SCML4: variants seen among roughly 807,000 people sequenced by gnomAD.
SCML4 encodes the protein Scm polycomb group protein like 4.
A neutral mutation model predicts 41.1 loss-of-function variants in SCML4; 34 were observed. That is an observed-to-expected ratio of 0.83 (90% CI 0.63 to 1.10). The LOEUF (loss-of-function observed/expected upper bound fraction) is 1.10, where lower values mean the gene tolerates loss of function less well. Ranked by LOEUF, SCML4 falls within the 50% of genes least tolerant of loss-of-function variation. The probability of loss-of-function intolerance (pLI) is 0.00; values close to 1 mark genes in which losing one functional copy is unlikely to be tolerated. For synonymous variants in SCML4, 214 were observed against 220.9 expected, an observed-to-expected ratio of 0.97 and a Z score of 0.28; for missense variants, 522 against 534.1, an observed-to-expected ratio of 0.98 and a Z score of 0.22.
intron 5 of SCML4, among the ~76,000 whole-genome samples, chr6:107,738,756 G>A (rs1777316115): frequency 6.6e-6 from 1 of 152,088 alleles, no homozygotes; most frequent in African/African-American, 2.4e-5. Context: ...CTTCACCTCT[G>A]GGAGGCCCTT....
chr6:107,792,769 C>A (rs1359256097), intron 1 of SCML4, among the ~76,000 whole-genome samples: 1 of 151,746 alleles, frequency 6.6e-6, no homozygotes, highest in Non-Finnish European at 1.5e-5. Context: ...ATATCACCCC[C>A]AAATGTACCA....
intron 1 of SCML4, among the ~76,000 whole-genome samples, chr6:107,807,780 C>G (rs1309341437): frequency 6.6e-6 from 1 of 152,192 alleles, no homozygotes; most frequent in Non-Finnish European, 1.5e-5. Context: ...ACAGCAACTC[C>G]CAGCCGAAGA....
At chr6:107,721,739 G>A (rs1775440369) in intron 5 of SCML4, among the ~76,000 whole-genome samples, 1 of 152,104 alleles carries the variant, frequency 6.6e-6, no homozygotes, top group Non-Finnish European at 1.5e-5. Flanking sequence ...CTGGGTGGTG[G>A]CCCAGGTGCC....
intron 6 of SCML4, among the ~76,000 whole-genome samples, chr6:107,708,830 T>A (rs577642091): frequency 2.6e-5 from 4 of 152,306 alleles, no homozygotes; most frequent in African/African-American, 9.6e-5. Flanking sequence ...AAGACAGCAA[T>A]GAGTTCAATG....
intron 5 of SCML4, among the ~76,000 whole-genome samples, chr6:107,737,561 C>T (rs1172804831): frequency 6.6e-6 from 1 of 152,154 alleles, no homozygotes; most frequent in African/African-American, 2.4e-5. Context: ...AGACAGACTT[C>T]CTGTACTGAA....
In SCML4 at chr6:107,702,810, C is replaced by T. The variant is rs532887066; in HGVS notation, c.*2390G>A. 6.6e-6 allele frequency among the ~76,000 whole-genome samples: 1 copy of T among 152,340 alleles called. No individual in the cohort carries two copies. The highest frequency in any genetic ancestry group is 2.1e-4 in the South Asian group (1 of 4,826). On this transcript the variant is annotated 3_prime_UTR_variant, in exon 8 of 8. Coordinates refer to ENST00000369020, the MANE Select transcript of SCML4 (RefSeq NM_198081.5). ...CAGAGGCATTTGAACCAGAGCAACT[C>T]CATCTTGAATGGGAGCTGGGTAAAA...
upstream of SCML4, among the ~76,000 whole-genome samples, chr6:107,827,011 C>T (rs549165337): frequency 2.2e-4 from 33 of 151,782 alleles, no homozygotes; most frequent in South Asian, 1.9e-3. Context: ...TGCAGTGAGC[C>T]GAGATCACGC....
chr6:107,789,586 C>T (rs1248187982), intron 1 of SCML4, among the ~76,000 whole-genome samples: 1 of 152,218 alleles, frequency 6.6e-6, no homozygotes, highest in Non-Finnish European at 1.5e-5. Flanking sequence ...GAAACAGCCA[C>T]CACACACACT....
upstream of SCML4, among the ~76,000 whole-genome samples, chr6:107,826,971 G>C (rs1159702452): frequency 6.6e-6 from 1 of 151,998 alleles, no homozygotes; most frequent in Non-Finnish European, 1.5e-5. Context: ...GCTGAGGCAG[G>C]AGAATGGTGT....
At chr6:107,708,539 G>GT (rs1773910066) in intron 6 of SCML4, among the ~76,000 whole-genome samples, 1 of 152,228 alleles carries the variant, frequency 6.6e-6, no homozygotes, top group South Asian at 2.1e-4. Flanking sequence ...CTTCTCCACG[G>GT]TATCTGCAGA....
intron 1 of SCML4, among the ~76,000 whole-genome samples, chr6:107,805,319 T>G (rs1237751032): frequency 6.6e-6 from 1 of 152,228 alleles, no homozygotes; most frequent in Non-Finnish European, 1.5e-5. Context: ...CACACCCTAC[T>G]TATCTTTTAT....
chr6:107,761,600 C>T (rs907541996), intron 2 of SCML4, among the ~76,000 whole-genome samples: 26 of 152,000 alleles, frequency 1.7e-4, no homozygotes, highest in African/African-American at 6.3e-4. Flanking sequence ...CCATGCCAAG[C>T]GAATTTTCAT....
At chr6:107,746,936 G>A (rs775381124) in intron 3 of SCML4, 47 bp from the exon 4 acceptor site, 40 of 1,523,466 alleles carry the variant, frequency 2.6e-5, no homozygotes, top group Admixed American at 1.2e-4. Context: ...GCGCGCATCA[G>A]GCCAGCTGGC....
At chr6:107,795,854 T>A (rs1782671962) in intron 1 of SCML4, among the ~76,000 whole-genome samples, 1 of 152,194 alleles carries the variant, frequency 6.6e-6, no homozygotes, top group Admixed American at 6.5e-5. Flanking sequence ...CTCTTCTCTG[T>A]CAGTCCTACT....
At position 107,720,650 on chromosome 6, in the gene SCML4, G is replaced by C. The variant is rs188486365; in HGVS notation, c.973+53C>G. 1.3e-4 allele frequency: 195 copies of C among 1,464,558 alleles called. No individual in the cohort carries two copies. In the East Asian group the frequency reaches 4.5e-3, roughly 34 times the overall value. The allele number at this position is 1,464,558 out of a possible 1,614,324, so 90.7% of individuals were successfully genotyped here. A position where few individuals can be genotyped will look rare whatever the true frequency, so the allele number is the denominator to read the frequency against. The stretch of plus-strand genomic sequence containing the variant: ...CTTCCCCAGATGCTGTGCTCCCCGC[G>C]CAAGGGCAAGGGATGTTAAGTCAGT... On this transcript the variant is annotated intron_variant, in intron 6 of 7. Transcript: ENST00000369020.
At chr6:107,762,574 C>T (rs192510006) in intron 2 of SCML4, among the ~76,000 whole-genome samples, 48 of 152,256 alleles carry the variant, frequency 3.2e-4, no homozygotes, top group African/African-American at 1.1e-3. Flanking sequence ...GGGTCTTAAT[C>T]CAATGTGGCT....
chr6:107,833,967 C>T, the SCML4 span, among the ~76,000 whole-genome samples: 3 of 151,934 alleles, frequency 2.0e-5, no homozygotes, highest in African/African-American at 7.3e-5. Context: ...GTGCCTGGCA[C>T]ATATATGAGG....
chr6:107,810,674 G>A (rs548819766), intron 1 of SCML4, among the ~76,000 whole-genome samples: 14 of 152,224 alleles, frequency 9.2e-5, no homozygotes, highest in Admixed American at 2.0e-4. Flanking sequence ...ACCATTGATC[G>A]CTTATAGGGA....
chr6:107,806,379 G>T (rs763389824), intron 1 of SCML4, among the ~76,000 whole-genome samples: 1 of 152,218 alleles, frequency 6.6e-6, no homozygotes, highest in South Asian at 2.1e-4. Context: ...GCACATCGGG[G>T]TGAATTGTTC....
Sources: gnomAD v4.1 joint callset for allele counts (sites outside exome capture counted in the v4.1 genomes callset) on GRCh38, gnomAD v4.1.1 for gene constraint, MANE v1.5 for transcripts, NCBI Gene and HGNC (gene_info 2026-07-23, HGNC 2026-07-21) for gene names.